Variants in SETBP1 observed in about 807,000 individuals in gnomAD.
The protein encoded by SETBP1 is SET-binding protein.
SETBP1 carries 9 observed loss-of-function variants against 101.0 expected under a neutral mutation model. That is an observed-to-expected ratio of 0.09 (90% CI 0.05 to 0.16). The LOEUF (loss-of-function observed/expected upper bound fraction) is 0.16, where lower values mean the gene tolerates loss of function less well. Ranked by LOEUF, SETBP1 falls within the 10% of genes least tolerant of loss-of-function variation. SETBP1 has a pLI of 1.00. For synonymous variants in SETBP1, 818 were observed against 788.5 expected (o/e 1.04, Z -0.63); for missense variants, 1,858 against 2,033.8 (o/e 0.91, Z 1.66).
At chr18:44,924,979 GCT>G (rs2070666777) in intron 3 of SETBP1, among the ~76,000 whole-genome samples, 1 of 139,222 alleles carries the variant, frequency 7.2e-6, no homozygotes, top group African/African-American at 2.8e-5. Flanking sequence ...TTCCAACCAT[GCT>G]CTTTTTCCTT....
rs765534698 is a variant in SETBP1 at position 44,949,887 on chromosome 18, G to A, written c.547G>A (p.Glu183Lys). 11 of 1,612,796 alleles carry A rather than the reference G, an allele frequency of 6.8e-6. No homozygotes were observed. The highest frequency in any genetic ancestry group is 5.0e-5 in the Admixed American group (3 of 59,974). ...CCACTCCACCCACCCTTAGGCTTACGAGAGGCCCCAGAAACATTCAACTCT... is the reference window on the plus strand; with the variant it reads ...CCACTCCACCCACCCTTAGGCTTACAAGAGGCCCCAGAAACATTCAACTCT... ...DLKGFQPQAYERPQKHSTLHY... is the reference protein window; with the variant it reads ...DLKGFQPQAYKRPQKHSTLHY... The change falls in exon 4 of 6, where the codon GAG becomes AAG. Residue 183 changes from glutamate (E) to lysine (K), a missense_variant. Physicochemically the swap from Glu to Lys is moderately conservative, Grantham distance 56. Coordinates refer to ENST00000649279, the MANE Select transcript of SETBP1 (RefSeq NM_015559.3).
At chr18:44,923,245 C>T (rs1489094042) in intron 3 of SETBP1, among the ~76,000 whole-genome samples, 1 of 152,174 alleles carries the variant, frequency 6.6e-6, no homozygotes, top group Non-Finnish European at 1.5e-5. Flanking sequence ...TGGAACTTCC[C>T]TTGCATAAAA....
intron 2 of SETBP1, among the ~76,000 whole-genome samples, chr18:44,854,818 G>A (rs2072939359): frequency 6.6e-6 from 1 of 152,084 alleles, no homozygotes; most frequent in Admixed American, 6.6e-5. Context: ...AGTCATTCAT[G>A]CACCATGACC....
At chr18:44,687,608 C>T (rs971353645) in intron 1 of SETBP1, among the ~76,000 whole-genome samples, 2 of 152,160 alleles carry the variant, frequency 1.3e-5, no homozygotes, top group Non-Finnish European at 2.9e-5. Context: ...TTACCCACAT[C>T]TGTTTTGAAT....
intron 4 of SETBP1, among the ~76,000 whole-genome samples, chr18:44,980,437 G>A (rs2072086719): frequency 6.6e-6 from 1 of 151,680 alleles, no homozygotes; most frequent in Non-Finnish European, 1.5e-5. Flanking sequence ...AAGCTTAGAG[G>A]TCATCCAGCC....
At chr18:44,840,273 G>A (rs574213132) in intron 2 of SETBP1, among the ~76,000 whole-genome samples, 13 of 152,256 alleles carry the variant, frequency 8.5e-5, no homozygotes, top group Admixed American at 1.3e-4. Context: ...TTAGTTTCTC[G>A]CAGCCAATGA....
At chr18:44,875,756 G>A (rs2069388642) in intron 3 of SETBP1, among the ~76,000 whole-genome samples, 1 of 152,112 alleles carries the variant, frequency 6.6e-6, no homozygotes, top group Non-Finnish European at 1.5e-5. Flanking sequence ...AAAATTAATA[G>A]GAACATTAGC....
intron 2 of SETBP1, among the ~76,000 whole-genome samples, chr18:44,846,354 A>T (rs2072724618): frequency 6.6e-6 from 1 of 152,192 alleles, no homozygotes; most frequent in Non-Finnish European, 1.5e-5. Context: ...TTGTGCAACC[A>T]TCTCCACTAT....
intron 4 of SETBP1, among the ~76,000 whole-genome samples, chr18:45,028,572 C>T (rs371902974): frequency 1.3e-4 from 19 of 151,954 alleles, no homozygotes; most frequent in African/African-American, 3.1e-4. Flanking sequence ...TCTAGATCCC[C>T]GAGGAATCGC....
In SETBP1 at chr18:44,970,721, T is replaced by C. The variant is rs541410169; in HGVS notation, c.4000+17381T>C. Among the ~76,000 whole-genome samples, 26 of 152,164 alleles carry C rather than the reference T, an allele frequency of 1.7e-4. 1 individual carries two copies. In the South Asian group the frequency reaches 5.0e-3, roughly 29 times the overall value. On this transcript the variant is annotated intron_variant, in intron 4 of 5. Transcript: ENST00000649279. ...CACGTGCCACCACACCCAGCTAATT[T>C]TGTATTTTTAGTAGAGACAGGGTTT...
chr18:44,749,452 T>C (rs1365760714), intron 2 of SETBP1, among the ~76,000 whole-genome samples: 2 of 152,140 alleles, frequency 1.3e-5, no homozygotes, highest in African/African-American at 4.8e-5. Context: ...TGTGCCATTC[T>C]TTTTCGGGAG....
intron 3 of SETBP1, among the ~76,000 whole-genome samples, chr18:44,929,342 G>A (rs144170721): frequency 0.016 from 2,506 of 152,264 alleles, 40 homozygotes; most frequent in African/African-American, 0.042. Flanking sequence ...CTGTACCCTC[G>A]TAGTATAGTT....
chr18:45,055,622 A>G (rs571656464), intron 5 of SETBP1, among the ~76,000 whole-genome samples: 12 of 152,126 alleles, frequency 7.9e-5, no homozygotes, highest in Admixed American at 2.6e-4. Context: ...GTTTGTTTCA[A>G]TACTTGTTGT....
chr18:44,681,484 C>CTAAAA (rs1396310145), intron 1 of SETBP1, among the ~76,000 whole-genome samples: 3 of 151,956 alleles, frequency 2.0e-5, no homozygotes, highest in African/African-American at 7.3e-5. Context: ...CATGCTGGTT[C>CTAAAA]TAAAAAAATA....
chr18:44,787,954 AT>A (rs2071280781), intron 2 of SETBP1, among the ~76,000 whole-genome samples: 1 of 147,698 alleles, frequency 6.8e-6, no homozygotes, highest in African/African-American at 2.5e-5. Flanking sequence ...AGACCTTCTG[AT>A]TTGTTTAGTT....
chr18:44,916,617 T>C (rs1049726117), intron 3 of SETBP1, among the ~76,000 whole-genome samples: 3 of 152,188 alleles, frequency 2.0e-5, no homozygotes, highest in African/African-American at 7.2e-5. Flanking sequence ...GTTGCCCTAT[T>C]TGGTGAATAC....
chr18:44,732,238 A>G lies in SETBP1; in HGVS notation c.486+30406A>G, dbSNP rs192995085. ...TGAATTGGTTGAACTTTGTGACTAA[A>G]TATGATATTCTTGGAATTTAGCTTA... On this transcript the variant is annotated intron_variant, in intron 2 of 5. Coordinates refer to ENST00000649279, the MANE Select transcript of SETBP1 (RefSeq NM_015559.3). Among the ~76,000 whole-genome samples the G allele has an allele frequency of 2.5e-3, 375 of 152,328 alleles. 1 individual carries two copies. The highest frequency in any genetic ancestry group is 8.5e-3 in the African/African-American group (353 of 41,570).
At chr18:44,694,286 T>C (rs2068979772) in intron 1 of SETBP1, among the ~76,000 whole-genome samples, 1 of 152,166 alleles carries the variant, frequency 6.6e-6, no homozygotes, top group Admixed American at 6.5e-5. Flanking sequence ...ATCTCGGCTC[T>C]CTGCAACCTG....
chr18:44,781,395 G>A (rs1367206060), intron 2 of SETBP1, among the ~76,000 whole-genome samples: 1 of 151,794 alleles, frequency 6.6e-6, no homozygotes, highest in Non-Finnish European at 1.5e-5. Flanking sequence ...ATTTTTTAAT[G>A]TAACCTCTTA....
Sources: gnomAD v4.1 joint callset for allele counts (sites outside exome capture counted in the v4.1 genomes callset) on GRCh38, gnomAD v4.1.1 for gene constraint, MANE v1.5 for transcripts, NCBI Gene and HGNC (gene_info 2026-07-23, HGNC 2026-07-21) for gene names.